NPAS3: variants seen among roughly 807,000 people sequenced by gnomAD.
NPAS3 encodes neuronal PAS domain-containing protein 3.
Under a neutral mutation model 73.1 loss-of-function variants are expected in NPAS3, and 14 were observed. That is an observed-to-expected ratio of 0.19 (90% CI 0.13 to 0.30). NPAS3 has a LOEUF of 0.30. Ranked by LOEUF, NPAS3 falls within the 10% of genes least tolerant of loss-of-function variation. The pLI, the probability that NPAS3 is intolerant of heterozygous loss-of-function variation, is 1.00. For synonymous variants in NPAS3, 620 were observed against 541.5 expected (o/e 1.14, Z -2.01); for missense variants, 1,096 against 1,250.0 (o/e 0.88, Z 1.86).
chr14:32,953,595 G>A (rs774393490), intron 1 of NPAS3, among the ~76,000 whole-genome samples: 22 of 152,094 alleles, frequency 1.4e-4, no homozygotes, highest in Non-Finnish European at 1.5e-5. Flanking sequence ...AATTGTGAAG[G>A]ATCTTAGATT....
chr14:33,160,031 A>T (rs553856836), intron 2 of NPAS3, among the ~76,000 whole-genome samples: 13 of 152,210 alleles, frequency 8.5e-5, no homozygotes, highest in Non-Finnish European at 1.8e-4. Flanking sequence ...AATATTTTGC[A>T]TATTATAAAA....
intron 3 of NPAS3, among the ~76,000 whole-genome samples, chr14:33,258,699 G>A (rs2048863275): frequency 6.6e-6 from 1 of 152,190 alleles, no homozygotes; most frequent in East Asian, 1.9e-4. Context: ...TGACATGCCT[G>A]AGTCCTTCAT....
chr14:32,939,142 ACGG>A (rs1405268914), upstream of NPAS3: 1 of 129,854 alleles, frequency 7.7e-6, no homozygotes, highest in Non-Finnish European at 1.4e-5. Flanking sequence ...CGCCGCCGCC[ACGG>A]CCACGGCCAC....
chr14:33,443,571 G>C (rs2049347798), intron 4 of NPAS3, among the ~76,000 whole-genome samples: 1 of 152,162 alleles, frequency 6.6e-6, no homozygotes. Flanking sequence ...ACGCTAAGGA[G>C]CCCAGGCAGA....
intron 1 of NPAS3, among the ~76,000 whole-genome samples, chr14:33,007,834 A>G (rs1028637553): frequency 1.3e-5 from 2 of 152,228 alleles, no homozygotes; most frequent in African/African-American, 2.4e-5. Context: ...AGTCAAAGAC[A>G]ATATGTAAAA....
intron 1 of NPAS3, among the ~76,000 whole-genome samples, chr14:33,005,335 A>G (rs1396036271): frequency 6.6e-6 from 1 of 152,100 alleles, no homozygotes; most frequent in African/African-American, 2.4e-5. Flanking sequence ...CCACTTACAT[A>G]TATGTGTTCT....
intron 4 of NPAS3, among the ~76,000 whole-genome samples, chr14:33,473,429 T>C (rs894221091): frequency 2.0e-5 from 3 of 152,172 alleles, no homozygotes; most frequent in Admixed American, 6.5e-5. Flanking sequence ...GATCACCTAA[T>C]TGGAATGTTT....
intron 7 of NPAS3, among the ~76,000 whole-genome samples, chr14:33,764,763 C>A (rs950479706): frequency 2.6e-5 from 4 of 152,242 alleles, no homozygotes; most frequent in Non-Finnish European, 5.9e-5. Context: ...AAGTTCCCCT[C>A]CACAGTAGTA....
chr14:33,307,310 C>A (rs545121967), intron 3 of NPAS3, among the ~76,000 whole-genome samples: 2 of 152,112 alleles, frequency 1.3e-5, no homozygotes. Context: ...ATATGTGCAA[C>A]TGATACTAAT....
intron 2 of NPAS3, among the ~76,000 whole-genome samples, chr14:33,099,590 TAACTA>T (rs2042524859): frequency 2.0e-5 from 3 of 152,190 alleles, no homozygotes; most frequent in African/African-American, 7.2e-5. Flanking sequence ...CGATATTAAA[TAACTA>T]AACATTATAA....
intron 3 of NPAS3, among the ~76,000 whole-genome samples, chr14:33,238,524 T>C (rs916795295): frequency 1.3e-5 from 2 of 152,098 alleles, no homozygotes; most frequent in African/African-American, 4.8e-5. Flanking sequence ...AAAATACCTA[T>C]TTACAAATTT....
intron 7 of NPAS3, among the ~76,000 whole-genome samples, chr14:33,755,288 A>G (rs117835018): frequency 0.021 from 3,204 of 152,312 alleles, 57 homozygotes; most frequent in Non-Finnish European, 0.026. Flanking sequence ...ATTTCAGAAT[A>G]TATTGGCTTA....
rs1226491375 is a variant in NPAS3 at position 33,784,745 on chromosome 14, A to ATTTTTTTTTTTT, written c.1153+6184_1153+6195dup. Reference sequence around the variant, plus strand: ...TTTTTATTTATTTATTTATTTATTTATTTTTTTTTTTTTTTTTTTTTTGAG... The same window carrying ATTTTTTTTTTTT: ...TTTTTATTTATTTATTTATTTATTTATTTTTTTTTTTTTTTTTTTTTTTTTTTTTTTTTTGAG... On this transcript the variant is annotated intron_variant, in intron 9 of 11. Transcript: ENST00000356141. Among the ~76,000 whole-genome samples, 44 of 73,810 alleles carry ATTTTTTTTTTTT rather than the reference A, an allele frequency of 6.0e-4. 1 individual carries two copies. Among genetic ancestry groups the ATTTTTTTTTTTT allele is most frequent in the African/African-American group, 2.0e-3 (32 of 15,994 alleles). 48.4% of individuals were successfully genotyped at this position (73,810 alleles called of 152,430 possible).
At chr14:33,640,263 T>C (rs1233695778) in intron 5 of NPAS3, among the ~76,000 whole-genome samples, 1 of 152,134 alleles carries the variant, frequency 6.6e-6, no homozygotes, top group Non-Finnish European at 1.5e-5. Flanking sequence ...TCTTGCTCCC[T>C]AGAGAAAAGA....
At chr14:33,332,102 C>G (rs2044011766) in intron 3 of NPAS3, among the ~76,000 whole-genome samples, 1 of 152,152 alleles carries the variant, frequency 6.6e-6, no homozygotes, top group African/African-American at 2.4e-5. Flanking sequence ...TTTCAGGGAG[C>G]AAGCCTCCCC....
intron 3 of NPAS3, among the ~76,000 whole-genome samples, chr14:33,301,385 G>A (rs1288071071): frequency 6.8e-6 from 1 of 146,162 alleles, no homozygotes; most frequent in Non-Finnish European, 1.5e-5. Flanking sequence ...GGCTGGAGCA[G>A]GGGCCTCCAA....
intron 4 of NPAS3, among the ~76,000 whole-genome samples, chr14:33,435,003 A>T (rs1488541077): frequency 6.6e-6 from 1 of 152,200 alleles, no homozygotes; most frequent in East Asian, 1.9e-4. Context: ...GGTCAAAAAT[A>T]TTGGGAGGGA....
chr14:33,401,451 C>T (rs2047441805), intron 4 of NPAS3, among the ~76,000 whole-genome samples: 2 of 152,034 alleles, frequency 1.3e-5, no homozygotes, highest in Non-Finnish European at 2.9e-5. Context: ...TTGGTGGGTC[C>T]TTTTCTTTTG....
chr14:33,075,640 T>G (rs941873633), intron 2 of NPAS3, among the ~76,000 whole-genome samples: 28 of 152,222 alleles, frequency 1.8e-4, no homozygotes, highest in African/African-American at 6.8e-4. Flanking sequence ...CTTAGAAAAC[T>G]GCCTCCTGTA....
Sources: allele counts gnomAD v4.1 joint callset (sites outside exome capture counted in the v4.1 genomes callset), GRCh38; gene constraint gnomAD v4.1.1; transcripts MANE v1.5; gene names NCBI Gene and HGNC (gene_info 2026-07-23, HGNC 2026-07-21).